The following EPB41L5 variants were observed in gnomAD, a reference collection of about 807,000 sequenced individuals.
EPB41L5 encodes the protein erythrocyte membrane protein band 4.1 like 5, also known as band 4.1-like protein 5.
EPB41L5 carries 55 observed loss-of-function variants against 106.6 expected under a neutral mutation model. The observed-to-expected ratio is 0.52, with a 90% CI of 0.42 to 0.65. The LOEUF (loss-of-function observed/expected upper bound fraction) is 0.65. Ranked by LOEUF, EPB41L5 falls within the 30% of genes least tolerant of loss-of-function variation. The pLI is 0.00. For synonymous variants in EPB41L5, 297 were observed against 306.7 expected, an observed-to-expected ratio of 0.97 and a Z score of 0.33; for missense variants, 871 against 882.1, an observed-to-expected ratio of 0.99 and a Z score of 0.16.
rs1687971217 is a variant in EPB41L5, at chr2:120,177,806, G to A, written c.*2899G>A. 1 of 152,194 alleles carries A rather than the reference G, an allele frequency of 6.6e-6. No homozygotes were observed. The highest frequency in any genetic ancestry group is 1.5e-5 in the Non-Finnish European group (1 of 68,040). 9.4% of individuals were successfully genotyped at this position (152,194 alleles called of 1,614,324 possible). A position where few individuals can be genotyped will look rare whatever the true frequency, so the allele number is the denominator to read the frequency against. ...TAGCCTTTGCCTTTGTACAATCACA[G>A]ATATCCTATGGAGATTTAAGGATGA... On this transcript the variant is annotated 3_prime_UTR_variant, in exon 25 of 25. Transcript: ENST00000263713.
intron 20 of EPB41L5, among the ~76,000 whole-genome samples, chr2:120,152,185 G>A (rs1373058675): frequency 6.6e-6 from 1 of 152,122 alleles, no homozygotes; most frequent in Admixed American, 6.5e-5. Context: ...TTACCATACT[G>A]TGGAAATTCC....
At chr2:120,084,906 A>C (rs1490436978) in intron 10 of EPB41L5, among the ~76,000 whole-genome samples, 2 of 152,052 alleles carry the variant, frequency 1.3e-5, no homozygotes, top group South Asian at 2.1e-4. Flanking sequence ...CCTTTCTTCC[A>C]GTTGATCAAA....
chr2:120,094,645 T>G (rs1376767872), intron 14 of EPB41L5, among the ~76,000 whole-genome samples: 1 of 152,102 alleles, frequency 6.6e-6, no homozygotes, highest in African/African-American at 2.4e-5. Flanking sequence ...TTTTCTAGTA[T>G]TTAAGGTGGA....
intron 3 of EPB41L5, among the ~76,000 whole-genome samples, chr2:120,071,201 G>A (rs1162797262): frequency 6.6e-6 from 1 of 151,576 alleles, no homozygotes; most frequent in Admixed American, 6.6e-5. Context: ...ATAACAGAGA[G>A]CCAAATCATG....
At chr2:120,120,449 A>AG (rs397737740) in intron 16 of EPB41L5, among the ~76,000 whole-genome samples, 5 of 148,936 alleles carry the variant, frequency 3.4e-5, no homozygotes, top group Non-Finnish European at 7.4e-5. Context: ...AAAAAAAAAA[A>AG]GGAACAAGAA....
At chr2:120,149,596 C>T (rs1050643338) in intron 20 of EPB41L5, among the ~76,000 whole-genome samples, 10 of 152,168 alleles carry the variant, frequency 6.6e-5, no homozygotes, top group African/African-American at 1.9e-4. Context: ...TATAATATTT[C>T]ATTGTATGGA....
intron 3 of EPB41L5, among the ~76,000 whole-genome samples, chr2:120,061,102 G>A (rs1225787260): frequency 7.0e-6 from 1 of 142,412 alleles, no homozygotes; most frequent in Non-Finnish European, 1.5e-5. Context: ...GTGCAGTGGT[G>A]TGATCTCAGC....
chr2:120,105,611 T>C, intron 16 of EPB41L5: 1 of 985,372 alleles, frequency 1.0e-6, no homozygotes, highest in Non-Finnish European at 1.2e-6. Context: ...TTTAGTATAA[T>C]TATGTGTAAG....
intron 3 of EPB41L5, among the ~76,000 whole-genome samples, chr2:120,051,554 A>T (rs908856142): frequency 6.6e-5 from 10 of 152,080 alleles, no homozygotes; most frequent in Admixed American, 6.5e-4. Context: ...TGCCGCCTGT[A>T]TTAGGTTGGG....
At chr2:120,017,013 T>G (rs1382509443) in intron 1 of EPB41L5, among the ~76,000 whole-genome samples, 6 of 152,250 alleles carry the variant, frequency 3.9e-5, no homozygotes, top group Non-Finnish European at 2.9e-5. Context: ...GTGTAAAATG[T>G]GTAGGCTAAT....
intron 2 of EPB41L5, among the ~76,000 whole-genome samples, chr2:120,022,833 C>T (rs1216826643): frequency 6.6e-6 from 1 of 152,218 alleles, no homozygotes; most frequent in Non-Finnish European, 1.5e-5. Context: ...TCCACATCCT[C>T]TCCAGCACCT....
At chr2:120,048,679 C>T (rs1211403360) in intron 3 of EPB41L5, among the ~76,000 whole-genome samples, 1 of 151,784 alleles carries the variant, frequency 6.6e-6, no homozygotes, top group Admixed American at 6.6e-5. Flanking sequence ...TTAGTTATTT[C>T]TTGCCTTCTG....
chr2:120,102,500 A>G (rs1385106839), intron 16 of EPB41L5, among the ~76,000 whole-genome samples: 1 of 152,136 alleles, frequency 6.6e-6, no homozygotes, highest in Admixed American at 6.5e-5. Flanking sequence ...CCTTAATTTC[A>G]TATGTGTTCT....
chr2:120,119,921 A>G (rs540940906), intron 16 of EPB41L5, among the ~76,000 whole-genome samples: 1 of 152,318 alleles, frequency 6.6e-6, no homozygotes, highest in African/African-American at 2.4e-5. Context: ...CAAAGACAAT[A>G]AAAAGCTAAG....
At chr2:120,082,367 C>T (rs1269018307) in intron 10 of EPB41L5, among the ~76,000 whole-genome samples, 6 of 151,392 alleles carry the variant, frequency 4.0e-5, no homozygotes, top group South Asian at 4.2e-4. Flanking sequence ...TTGAGATAAT[C>T]GTGGTTTTTG....
chr2:120,168,651 C>T lies in EPB41L5; in HGVS notation c.2135+644C>T, dbSNP rs147097037. On this transcript the variant is annotated intron_variant, in intron 24 of 24. Transcript: ENST00000263713. ...ACATATCCTCCTTGAAAATGTGGGT[C>T]GGTTGAAATACATGCTTTCCTAATT... 3.5e-3 allele frequency among the ~76,000 whole-genome samples: 527 copies of T among 152,222 alleles called. 2 individuals are homozygous for T. Among genetic ancestry groups the T allele is most frequent in the African/African-American group, 0.012 (494 of 41,532 alleles).
intron 16 of EPB41L5, among the ~76,000 whole-genome samples, chr2:120,112,541 G>T (rs929879994): frequency 3.3e-5 from 5 of 152,196 alleles, no homozygotes; most frequent in Non-Finnish European, 5.9e-5. Flanking sequence ...CAAGCAAGAA[G>T]AGTAGAAGTG....
intron 3 of EPB41L5, among the ~76,000 whole-genome samples, chr2:120,047,227 A>G (rs548480026): frequency 6.6e-6 from 1 of 152,338 alleles, no homozygotes; most frequent in East Asian, 1.9e-4. Flanking sequence ...TGGGGACGGC[A>G]TTGAATCTAT....
Position 120,042,132 on chromosome 2 carries a change from GTT to G in EPB41L5, c.285+25_285+26del, listed in dbSNP as rs1334229158. ...AGCAGTGAGTAACTGTTTTTTGGAAGTTTTAGCATAAGGAGAAGAAACAGGAA... is the reference window on the plus strand; with the variant it reads ...AGCAGTGAGTAACTGTTTTTTGGAAGTTAGCATAAGGAGAAGAAACAGGAA... On this transcript the variant is annotated intron_variant, in intron 3 of 24. Coordinates refer to ENST00000263713, the MANE Select transcript of EPB41L5 (RefSeq NM_020909.4). 1.9e-6 allele frequency: 3 copies of G among 1,573,256 alleles called. No homozygotes were observed. The African/African-American group carries it at 4.1e-5, about 21-fold the overall frequency.
Sources: allele counts gnomAD v4.1 joint callset (sites outside exome capture counted in the v4.1 genomes callset), GRCh38; gene constraint gnomAD v4.1.1; transcripts MANE v1.5; gene names NCBI Gene and HGNC (gene_info 2026-07-23, HGNC 2026-07-21).